The following KIRREL1 variants were observed in gnomAD, a reference collection of about 807,000 sequenced individuals.
KIRREL1 encodes the protein kin of IRRE-like protein 1.
In KIRREL1, 25 loss-of-function variants were observed where a neutral mutation model predicts 83.3. The ratio of observed to expected loss-of-function variants is 0.30; its 90% CI spans 0.22 to 0.42. The LOEUF is 0.42. Ranked by LOEUF, KIRREL1 falls within the 10% of genes least tolerant of loss-of-function variation. KIRREL1 has a pLI of 1.00. For missense variants in KIRREL1, 812 were observed against 1,032.3 expected, an observed-to-expected ratio of 0.79 and a Z score of 2.92; for synonymous variants, 388 against 410.4, an observed-to-expected ratio of 0.95 and a Z score of 0.66.
chr1:158,047,373 G>A (rs957555910), intron 1 of KIRREL1, among the ~76,000 whole-genome samples: 2 of 152,158 alleles, frequency 1.3e-5, no homozygotes, highest in South Asian at 2.1e-4. Context: ...GTGTCTGACT[G>A]GGGTGGGGAA....
At chr1:158,007,624 T>G (rs1475449576) in intron 1 of KIRREL1, among the ~76,000 whole-genome samples, 1 of 151,930 alleles carries the variant, frequency 6.6e-6, no homozygotes, top group Non-Finnish European at 1.5e-5. Context: ...AGCTCGTGTG[T>G]CTGGGGGGAG....
chr1:158,063,771 A>G (rs1231149427), intron 1 of KIRREL1, among the ~76,000 whole-genome samples: 1 of 152,110 alleles, frequency 6.6e-6, no homozygotes, highest in Non-Finnish European at 1.5e-5. Flanking sequence ...ACTCCTACTC[A>G]TCCCTCGGAT....
chr1:158,025,781 A>G (rs1366637606), intron 1 of KIRREL1: 1 of 151,422 alleles, frequency 6.6e-6, no homozygotes, highest in African/African-American at 2.4e-5. Flanking sequence ...CAGAAGAGGC[A>G]CGCATGGCTG....
chr1:158,029,375 G>GCGCA (rs1208181835), intron 1 of KIRREL1, among the ~76,000 whole-genome samples: 6 of 151,146 alleles, frequency 4.0e-5, no homozygotes, highest in African/African-American at 7.4e-5. Context: ...GTGCACGTGC[G>GCGCA]CGCGCATGCA....
At chr1:158,031,890 C>T (rs1282428969) in intron 1 of KIRREL1, among the ~76,000 whole-genome samples, 3 of 152,062 alleles carry the variant, frequency 2.0e-5, no homozygotes, top group Non-Finnish European at 4.4e-5. Context: ...TTGAGACTAG[C>T]CTGGGCAACA....
At chr1:157,997,454 A>T (rs1175093991) in intron 1 of KIRREL1, among the ~76,000 whole-genome samples, 1 of 139,892 alleles carries the variant, frequency 7.1e-6, no homozygotes, top group South Asian at 2.7e-4. Context: ...TCTTCTCCCT[A>T]TGATTCTTTG....
chr1:158,022,049 G>T (rs922113095), intron 1 of KIRREL1, among the ~76,000 whole-genome samples: 1 of 152,052 alleles, frequency 6.6e-6, no homozygotes, highest in Non-Finnish European at 1.5e-5. Context: ...TGCGGTTGGG[G>T]TGGGGCTCGG....
chr1:158,100,146 C>T lies in KIRREL1; in HGVS notation c.*5026C>T, dbSNP rs1662455471. ...TGTGTCCCTCACACCTTTTCCTATT[C>T]TACTTTTTTTTCCTTTTTTTAAAAA... On this transcript the variant is annotated 3_prime_UTR_variant, in exon 15 of 15. Coordinates refer to ENST00000359209, the MANE Select transcript of KIRREL1 (RefSeq NM_018240.7). The T allele has an allele frequency of 6.6e-6, 1 of 151,214 alleles. No individual in the cohort carries two copies. 9.4% of individuals were successfully genotyped at this position (151,214 alleles called of 1,614,324 possible). A position where few individuals can be genotyped will look rare whatever the true frequency, so the allele number is the denominator to read the frequency against.
chr1:158,018,166 G>T (rs1031344628), intron 1 of KIRREL1, among the ~76,000 whole-genome samples: 3 of 152,148 alleles, frequency 2.0e-5, no homozygotes, highest in African/African-American at 7.2e-5. Flanking sequence ...AAGAATTGGG[G>T]GGGTGGGAAG....
At chr1:158,035,560 T>A (rs1223324193) in intron 1 of KIRREL1, among the ~76,000 whole-genome samples, 3 of 152,208 alleles carry the variant, frequency 2.0e-5, no homozygotes, top group Non-Finnish European at 4.4e-5. Flanking sequence ...TGTTGACCTA[T>A]TTATTTTAAT....
intron 1 of KIRREL1, among the ~76,000 whole-genome samples, chr1:158,073,012 A>G (rs1365930688): frequency 6.6e-6 from 1 of 152,142 alleles, no homozygotes; most frequent in Non-Finnish European, 1.5e-5. Context: ...ATCAGAGAGA[A>G]CAGGACTTGG....
At chr1:158,023,472 CAA>C (rs1660062281) in intron 1 of KIRREL1, among the ~76,000 whole-genome samples, 1 of 152,112 alleles carries the variant, frequency 6.6e-6, no homozygotes, top group South Asian at 2.1e-4. Flanking sequence ...TCAAATATAG[CAA>C]AGAGACAGAC....
At position 158,086,762 on chromosome 1, in the gene KIRREL1, G is replaced by T; in HGVS notation, c.661+16G>T. The stretch of plus-strand genomic sequence containing the variant: ...GATGTGCACCGTGAGTGGGCTGGGG[G>T]GAGCAGTCTGGAGCAGGGGGGTGGA... On this transcript the variant is annotated intron_variant, in intron 5 of 14. Transcript: ENST00000359209. 6.5e-7 allele frequency: 1 copy of T among 1,543,704 alleles called. No individual in the cohort carries two copies. Among genetic ancestry groups the T allele is most frequent in the Non-Finnish European group, 8.8e-7 (1 of 1,140,578 alleles).
At chr1:158,033,333 A>G (rs1350617225) in intron 1 of KIRREL1, among the ~76,000 whole-genome samples, 1 of 152,114 alleles carries the variant, frequency 6.6e-6, no homozygotes, top group East Asian at 1.9e-4. Flanking sequence ...CGGCCTCCCA[A>G]AGCTCTGGGA....
intron 11 of KIRREL1, 113 bp from the exon 12 acceptor site, chr1:158,093,226 G>A: frequency 1.2e-6 from 1 of 835,836 alleles, no homozygotes; most frequent in South Asian, 1.5e-5. Flanking sequence ...ACTTAGCCCT[G>A]TACACAAGCC....
chr1:158,029,844 A>G (rs961824212), intron 1 of KIRREL1, among the ~76,000 whole-genome samples: 2 of 152,256 alleles, frequency 1.3e-5, no homozygotes, highest in African/African-American at 4.8e-5. Context: ...GTGAGATAGT[A>G]TAAGTAAAGC....
At position 158,096,458 on chromosome 1, in the gene KIRREL1, G is replaced by A. The variant is rs375342040; in HGVS notation, c.*1338G>A. 7 of 391,918 alleles carry A rather than the reference G, an allele frequency of 1.8e-5. No homozygotes were observed. The highest frequency in any genetic ancestry group is 2.8e-5 in the Admixed American group (1 of 35,570). 24.3% of individuals were successfully genotyped at this position (391,918 alleles called of 1,614,324 possible). The stretch of plus-strand genomic sequence containing the variant: ...TTTGGATGACCGACCCTATGTGGGC[G>A]GTTGTGTGGGGAGTGGGTACTTGTG... On this transcript the variant is annotated 3_prime_UTR_variant, in exon 15 of 15. Transcript: ENST00000359209.
At chr1:158,079,302 T>C (rs1661777886) in intron 3 of KIRREL1, among the ~76,000 whole-genome samples, 1 of 152,036 alleles carries the variant, frequency 6.6e-6, no homozygotes, top group Admixed American at 6.6e-5. Flanking sequence ...AGGTTTTCTG[T>C]TGTTTGTTTG....
chr1:158,054,439 C>T (rs1660996809), intron 1 of KIRREL1, among the ~76,000 whole-genome samples: 1 of 152,008 alleles, frequency 6.6e-6, no homozygotes, highest in Non-Finnish European at 1.5e-5. Flanking sequence ...AAACAGCATG[C>T]TGAGCTTTGA....
Sources: gnomAD v4.1 joint callset for allele counts (sites outside exome capture counted in the v4.1 genomes callset) on GRCh38, gnomAD v4.1.1 for gene constraint, MANE v1.5 for transcripts, NCBI Gene and HGNC (gene_info 2026-07-23, HGNC 2026-07-21) for gene names.